ZNRF3: variants seen among roughly 807,000 people sequenced by gnomAD.
ZNRF3 encodes E3 ubiquitin-protein ligase ZNRF3.
ZNRF3 carries 23 observed loss-of-function variants against 72.5 expected under a neutral mutation model. The ratio of observed to expected loss-of-function variants is 0.32; its 90% CI spans 0.23 to 0.45. The LOEUF is 0.45. Among genes scored for constraint, ZNRF3 ranks in the 20% least tolerant of loss-of-function variants. The pLI is 1.00. For synonymous variants in ZNRF3, 610 were observed against 545.3 expected (o/e 1.12, Z -1.65); for missense variants, 1,169 against 1,272.1 (o/e 0.92, Z 1.23).
chr22:28,988,021 A>G (rs1282866887), intron 2 of ZNRF3, among the ~76,000 whole-genome samples: 1 of 152,220 alleles, frequency 6.6e-6, no homozygotes, highest in Non-Finnish European at 1.5e-5. Context: ...CTTTGACTGC[A>G]GTATAAGATA....
At chr22:28,906,985 CTT>C (rs1367720454) in intron 1 of ZNRF3, among the ~76,000 whole-genome samples, 20 of 140,380 alleles carry the variant, frequency 1.4e-4, no homozygotes, top group Admixed American at 1.4e-4. Flanking sequence ...TTCTTTCTTT[CTT>C]TTTTTTTTTT....
chr22:29,016,981 G>GC (rs1310045967), intron 2 of ZNRF3, among the ~76,000 whole-genome samples: 1 of 152,150 alleles, frequency 6.6e-6, no homozygotes, highest in Non-Finnish European at 1.5e-5. Flanking sequence ...GCTATTCTTT[G>GC]CCCCCACAAA....
chr22:28,988,600 C>T (rs1284018818), intron 2 of ZNRF3, among the ~76,000 whole-genome samples: 1 of 152,150 alleles, frequency 6.6e-6, no homozygotes, highest in African/African-American at 2.4e-5. Flanking sequence ...GTGGCTCAGG[C>T]CCTGATACTT....
intron 2 of ZNRF3, chr22:29,026,313 C>T (rs1046366508): frequency 1.3e-5 from 2 of 152,148 alleles, no homozygotes; most frequent in Non-Finnish European, 2.9e-5. Flanking sequence ...CACCCCCAGA[C>T]CCCATCACTA....
At chr22:28,907,425 C>T (rs2034231265) in intron 1 of ZNRF3, among the ~76,000 whole-genome samples, 1 of 152,172 alleles carries the variant, frequency 6.6e-6, no homozygotes, top group Non-Finnish European at 1.5e-5. Flanking sequence ...TCTCCAATTT[C>T]TCTGGTCTCT....
chr22:28,965,271 C>T (rs541936877), intron 1 of ZNRF3, among the ~76,000 whole-genome samples: 3 of 152,238 alleles, frequency 2.0e-5, no homozygotes, highest in Admixed American at 6.5e-5. Context: ...TAGCCGTCCC[C>T]GACACAACTA....
intron 2 of ZNRF3, among the ~76,000 whole-genome samples, chr22:29,041,660 A>G (rs890207596): frequency 1.3e-5 from 2 of 152,172 alleles, no homozygotes; most frequent in Non-Finnish European, 2.9e-5. Flanking sequence ...TTGAGCCAGG[A>G]AACCTGCTTT....
chr22:29,024,004 C>T (rs1460924733), intron 2 of ZNRF3, among the ~76,000 whole-genome samples: 3 of 152,184 alleles, frequency 2.0e-5, no homozygotes, highest in East Asian at 3.9e-4. Flanking sequence ...AGTGTAAGCA[C>T]CCTGGATCAT....
intron 1 of ZNRF3, among the ~76,000 whole-genome samples, chr22:28,984,480 A>G (rs562868102): frequency 6.6e-6 from 1 of 152,220 alleles, no homozygotes; most frequent in African/African-American, 2.4e-5. Flanking sequence ...GATGATACCT[A>G]TGCTCCTCCA....
At chr22:28,992,973 C>T (rs2035983681) in intron 2 of ZNRF3, 1 of 152,206 alleles carries the variant, frequency 6.6e-6, no homozygotes, top group South Asian at 2.1e-4. Flanking sequence ...AAAAGAATCT[C>T]CAGAACAGGG....
chr22:29,049,830 A>ACAGCAGCAG lies in ZNRF3; in HGVS notation c.1660_1668dup (p.Ser555_Ser557dup), dbSNP rs758686333. 8.1e-6 allele frequency: 13 copies of ACAGCAGCAG among 1,608,038 alleles called. No homozygotes were observed. In the African/African-American group the frequency reaches 1.6e-4, roughly 20 times the overall value. The stretch of plus-strand genomic sequence containing the variant: ...TACCTGGCCGACTGCCCAGGCAGCG[A>ACAGCAGCAG]CAGCAGCAGCAGCAGCAGCTCCGGC... On this transcript the variant is annotated inframe_insertion, in exon 8 of 9. Coordinates refer to ENST00000544604, the MANE Select transcript of ZNRF3 (RefSeq NM_001206998.2). This position sits in a 1 kb window ranked among gnomAD's most constrained non-coding sequence, Gnocchi z 5.2.
At chr22:28,997,026 A>T (rs1016168004) in intron 2 of ZNRF3, among the ~76,000 whole-genome samples, 3 of 151,860 alleles carry the variant, frequency 2.0e-5, no homozygotes, top group Non-Finnish European at 4.4e-5. Context: ...TCAGCTTAGC[A>T]CTCCTGAGTG....
rs529814067 is a variant in ZNRF3, at chr22:28,961,577, GA to G, written c.301-25497del. On this transcript the variant is annotated intron_variant, in intron 1 of 8. Coordinates refer to ENST00000544604, the MANE Select transcript of ZNRF3 (RefSeq NM_001206998.2). ...ATAAGGACCTCCTAGTGACTTAGGT[GA>G]ATTTAGTATGACATCTTGGTTTTAT... Among the ~76,000 whole-genome samples, 347 of 152,316 alleles carry G rather than the reference GA, an allele frequency of 2.3e-3. 3 individuals carry two copies. Among genetic ancestry groups the G allele is most frequent in the Middle Eastern group, 0.017 (5 of 294 alleles).
chr22:29,046,859 T>C lies in ZNRF3; in HGVS notation c.888T>C (p.Cys296=). The change falls in exon 6 of 9, where the codon TGT becomes TGC. Residue 296 remains cysteine (C), a synonymous_variant. Coordinates refer to ENST00000544604, the MANE Select transcript of ZNRF3 (RefSeq NM_001206998.2). ...GCTCCACGTCCGACTGTGCCATCTG[T>C]CTGGAGAAGTACATTGATGGAGAGG... ...SSSSTSDCAI[C]LEKYIDGEEL... The C allele has an allele frequency of 6.3e-7, 1 of 1,595,704 alleles. No individual in the cohort carries two copies. Among genetic ancestry groups the C allele is most frequent in the Non-Finnish European group, 8.5e-7 (1 of 1,170,150 alleles).
intron 1 of ZNRF3, among the ~76,000 whole-genome samples, chr22:28,944,809 C>G (rs1361764226): frequency 6.6e-6 from 1 of 151,308 alleles, no homozygotes; most frequent in Non-Finnish European, 1.5e-5. Flanking sequence ...ACCTGTAGTC[C>G]CAGCTACTCT....
At chr22:29,026,643 C>T (rs2036642194) in intron 2 of ZNRF3, 1 of 152,216 alleles carries the variant, frequency 6.6e-6, no homozygotes, top group African/African-American at 2.4e-5. Context: ...AGGCCAAAGG[C>T]CTGGACCCAA....
chr22:28,979,851 G>A lies in ZNRF3; in HGVS notation c.301-7225G>A, dbSNP rs115342678. Among the ~76,000 whole-genome samples, 359 of 152,342 alleles carry A rather than the reference G, an allele frequency of 2.4e-3. 3 individuals carry two copies. The highest frequency in any genetic ancestry group is 8.4e-3 in the African/African-American group (351 of 41,568). ...AGGTGCCCATCTTAGAGGGGAGGCT[G>A]TAGGAACCAGTAAGCACCATACAAA... On this transcript the variant is annotated intron_variant, in intron 1 of 8. Transcript: ENST00000544604.
At chr22:29,016,558 G>A (rs891005740) in intron 2 of ZNRF3, among the ~76,000 whole-genome samples, 12 of 152,148 alleles carry the variant, frequency 7.9e-5, no homozygotes, top group African/African-American at 2.9e-4. Flanking sequence ...TTGAATTTAG[G>A]GATTTTTGCA....
rs575926380 is a variant in ZNRF3, at chr22:29,042,621, C to T, written c.501+52C>T. On this transcript the variant is annotated intron_variant, in intron 3 of 8. Transcript: ENST00000544604. ...TGCAGCCTCCCTGAGAAAGGCACTT[C>T]CTTTAGTGAGCTTGGCTTGTCCCGG... is the stretch of plus-strand genomic sequence containing the variant. 5.3e-5 allele frequency: 82 copies of T among 1,535,232 alleles called. 2 individuals are homozygous for T. In the South Asian group the frequency reaches 9.3e-4, roughly 17 times the overall value.
Sources: allele counts gnomAD v4.1 joint callset (sites outside exome capture counted in the v4.1 genomes callset), GRCh38; gene constraint gnomAD v4.1.1; non-coding constraint Gnocchi (gnomAD v3.1); transcripts MANE v1.5; gene names NCBI Gene and HGNC (gene_info 2026-07-23, HGNC 2026-07-21).